ARHGAP10: variants seen among roughly 807,000 people sequenced by gnomAD.
ARHGAP10 encodes the protein Rho GTPase activating protein 10.
Under a neutral mutation model 108.6 loss-of-function variants are expected in ARHGAP10, and 87 were observed. The observed-to-expected ratio is 0.80, with a 90% CI of 0.67 to 0.96. The LOEUF (loss-of-function observed/expected upper bound fraction) is 0.96, where lower values mean the gene tolerates loss of function less well. Ranked by LOEUF, ARHGAP10 falls within the 40% of genes least tolerant of loss-of-function variation. ARHGAP10 has a pLI of 0.00. For synonymous variants in ARHGAP10, 347 were observed against 341.1 expected, an observed-to-expected ratio of 1.02 and a Z score of -0.19; for missense variants, 939 against 954.5, an observed-to-expected ratio of 0.98 and a Z score of 0.21.
chr4:148,070,741 T>C (rs1346310531), intron 22 of ARHGAP10, among the ~76,000 whole-genome samples: 1 of 152,204 alleles, frequency 6.6e-6, no homozygotes, highest in East Asian at 1.9e-4. Context: ...ATTATTCTCC[T>C]GGGTTGTGAT....
intron 19 of ARHGAP10, among the ~76,000 whole-genome samples, chr4:148,031,085 T>C (rs1477546288): frequency 6.6e-6 from 1 of 152,070 alleles, no homozygotes; most frequent in Non-Finnish European, 1.5e-5. Context: ...AAAATGAATT[T>C]TGAGACTGGC....
At chr4:147,939,977 A>C in intron 14 of ARHGAP10, 78 bp downstream of exon 14, 1 of 1,295,722 alleles carries the variant, frequency 7.7e-7, no homozygotes, top group Admixed American at 1.9e-5. Context: ...ATTTCATAAT[A>C]ATGTAGAGAA....
At chr4:148,028,189 G>A (rs1216886626) in intron 19 of ARHGAP10, among the ~76,000 whole-genome samples, 1 of 152,132 alleles carries the variant, frequency 6.6e-6, no homozygotes, top group African/African-American at 2.4e-5. Context: ...AGGGTTTCAG[G>A]TAAGGGGAGT....
rs566754448 is a variant in ARHGAP10 at position 147,965,183 on chromosome 4, T to C, written c.1556+54T>C. ...TCTTCACTTTGCTCTAGGTGCTGGG[T>C]AGTGCTCTGGGATTTGTGACGGGTG... On this transcript the variant is annotated intron_variant, in intron 17 of 22. Coordinates refer to ENST00000336498, the MANE Select transcript of ARHGAP10 (RefSeq NM_024605.4). 112 of 1,423,420 alleles carry C rather than the reference T, an allele frequency of 7.9e-5. 2 individuals are homozygous for C. The South Asian group carries it at 1.4e-3, about 17-fold the overall frequency. The allele number at this position is 1,423,420 out of a possible 1,614,324, so 88.2% of individuals were successfully genotyped here. A position where few individuals can be genotyped will look rare whatever the true frequency, so the allele number is the denominator to read the frequency against.
chr4:147,875,892 A>G (rs1037328076), intron 8 of ARHGAP10, among the ~76,000 whole-genome samples: 1 of 152,224 alleles, frequency 6.6e-6, no homozygotes, highest in African/African-American at 2.4e-5. Context: ...AACGTTTACT[A>G]CGTCAACTGT....
intron 1 of ARHGAP10, among the ~76,000 whole-genome samples, chr4:147,800,748 TTAG>T (rs1731547435): frequency 6.6e-6 from 1 of 152,192 alleles, no homozygotes; most frequent in African/African-American, 2.4e-5. Flanking sequence ...TTTATAGCGC[TTAG>T]TAGGGAGGAG....
rs775350718 is a variant in ARHGAP10 at position 147,864,870 on chromosome 4, C to T, written c.511C>T (p.Arg171Trp). ...GGCAGATATCCAAGTAGAGCAGAAC[C>T]GGCAACACTTCTATGAACTGTCTCT... ...QEADIQVEQN[R>W]QHFYELSLEY... The change falls in exon 6 of 23, where the codon CGG becomes TGG. Residue 171 changes from arginine (R) to tryptophan (W), a missense_variant. Physicochemically the swap from Arg to Trp is moderately radical, Grantham distance 101 (BLOSUM62 -3). Coordinates refer to ENST00000336498, the MANE Select transcript of ARHGAP10 (RefSeq NM_024605.4). The T allele has an allele frequency of 8.2e-5, 133 of 1,613,816 alleles. No homozygotes were observed. Among genetic ancestry groups the T allele is most frequent in the Non-Finnish European group, 1.1e-4 (130 of 1,179,896 alleles).
intron 18 of ARHGAP10, among the ~76,000 whole-genome samples, chr4:147,987,780 G>GA (rs1241479487): frequency 1.3e-5 from 2 of 152,196 alleles, no homozygotes; most frequent in Non-Finnish European, 2.9e-5. Flanking sequence ...CAGTGATGGG[G>GA]AGAGAATCTG....
intron 18 of ARHGAP10, among the ~76,000 whole-genome samples, chr4:148,011,003 A>G (rs766282423): frequency 4.0e-4 from 61 of 152,224 alleles, no homozygotes; most frequent in Non-Finnish European, 7.9e-4. Context: ...TGACATTGGC[A>G]CTTCTGAAGT....
At chr4:147,798,748 T>A (rs1731425499) in intron 1 of ARHGAP10, among the ~76,000 whole-genome samples, 1 of 10,620 alleles carries the variant, frequency 9.4e-5, no homozygotes. Flanking sequence ...TCTCTCTCTC[T>A]CTCTCTCTCT....
chr4:148,063,445 C>A, intron 21 of ARHGAP10, 145 bp downstream of exon 21: 1 of 1,138,696 alleles, frequency 8.8e-7, no homozygotes, highest in Non-Finnish European at 1.2e-6. Context: ...GCACTTACCA[C>A]CTTGTATCAG....
intron 13 of ARHGAP10, among the ~76,000 whole-genome samples, chr4:147,936,370 G>A (rs1383222597): frequency 1.8e-5 from 2 of 113,978 alleles, no homozygotes; most frequent in African/African-American, 3.2e-5. Flanking sequence ...CGCCCAGGCT[G>A]GACTGCGGAC....
intron 12 of ARHGAP10, among the ~76,000 whole-genome samples, chr4:147,911,564 G>T (rs944489091): frequency 6.6e-6 from 1 of 152,076 alleles, no homozygotes; most frequent in Non-Finnish European, 1.5e-5. Context: ...GGGTTTCACC[G>T]TGTTAGCCAG....
chr4:148,039,947 T>G (rs143911557), intron 19 of ARHGAP10, among the ~76,000 whole-genome samples: 1 of 152,334 alleles, frequency 6.6e-6, no homozygotes, highest in Non-Finnish European at 1.5e-5. Flanking sequence ...CTGAGTTTTC[T>G]TATTCATTGA....
intron 1 of ARHGAP10, among the ~76,000 whole-genome samples, chr4:147,741,794 A>ACG (rs1199162557): frequency 5.5e-4 from 14 of 25,310 alleles, no homozygotes; most frequent in Admixed American, 1.9e-3. Context: ...ACACACACGC[A>ACG]CACACACACA....
At chr4:147,966,601 T>C in intron 17 of ARHGAP10, 79 bp from the exon 18 acceptor site, 2 of 1,314,978 alleles carry the variant, frequency 1.5e-6, no homozygotes, top group South Asian at 4.1e-5. Flanking sequence ...TTTAAGGAAA[T>C]ACAGAGTTGC....
chr4:147,822,714 C>G lies in ARHGAP10; in HGVS notation c.155-13C>G. 6.2e-7 allele frequency: 1 copy of G among 1,611,702 alleles called. No homozygotes were observed. The highest frequency in any genetic ancestry group is 1.1e-5 in the South Asian group (1 of 90,884). Reference sequence around the variant, plus strand: ...AACAAGAACCCAAGTCATCATTATACTTTTCTTTCTAGGTCTGTCAGTGGC... The same window carrying G: ...AACAAGAACCCAAGTCATCATTATAGTTTTCTTTCTAGGTCTGTCAGTGGC... On this transcript the variant is annotated splice_polypyrimidine_tract_variant and intron_variant, in intron 1 of 22. Transcript: ENST00000336498.
intron 15 of ARHGAP10, among the ~76,000 whole-genome samples, chr4:147,948,813 A>T (rs1369303850): frequency 6.6e-6 from 1 of 151,944 alleles, no homozygotes; most frequent in Non-Finnish European, 1.5e-5. Flanking sequence ...AGAAAAAAAA[A>T]AAAATTAGCC....
rs1739562360 is a variant in ARHGAP10 at position 147,975,578 on chromosome 4, A to C, written c.1716+8739A>C. On this transcript the variant is annotated intron_variant, in intron 18 of 22. Coordinates refer to ENST00000336498, the MANE Select transcript of ARHGAP10 (RefSeq NM_024605.4). ...CATCTCATGGCAGAAGGACAAGAGA[A>C]CATGTGAAAAAGGAGTGACAGACAG... Among the ~76,000 whole-genome samples the C allele has an allele frequency of 1.3e-5, 2 of 152,214 alleles. 1 individual carries two copies. The highest frequency in any genetic ancestry group is 4.1e-4 in the South Asian group (2 of 4,830).
Sources: gnomAD v4.1 joint callset for allele counts (sites outside exome capture counted in the v4.1 genomes callset) on GRCh38, gnomAD v4.1.1 for gene constraint, MANE v1.5 for transcripts, NCBI Gene and HGNC (gene_info 2026-07-23, HGNC 2026-07-21) for gene names.